SARDH: variants seen among roughly 807,000 people sequenced by gnomAD.
SARDH encodes sarcosine dehydrogenase.
A neutral mutation model predicts 109.1 loss-of-function variants in SARDH; 95 were observed. That is an observed-to-expected ratio of 0.87 (90% confidence interval 0.74 to 1.03). SARDH has a LOEUF of 1.03. Ranked by LOEUF, SARDH falls within the 50% of genes least tolerant of loss-of-function variation. The pLI is 0.00. For missense variants in SARDH, 1,267 were observed against 1,287.8 expected (o/e 0.98, Z 0.25); for synonymous variants, 572 against 534.8 (o/e 1.07, Z -0.96).
Position 133,729,792 on chromosome 9 carries a change from G to A in SARDH, c.888C>T (p.Val296=), listed in dbSNP as rs371310169. The change falls in exon 6 of 21, where the codon GTC becomes GTT. Residue 296 remains valine (V), a synonymous_variant. Coordinates refer to ENST00000439388, the MANE Select transcript of SARDH (RefSeq NM_001134707.2). ...VPLVAMHHAY[V]VTERIEGIQN... Reference sequence around the variant, plus strand: ...GAATCCCCTCGATGCGCTCGGTGACGACATAGGCATGGTGCATGGCCACCA... The same window carrying A: ...GAATCCCCTCGATGCGCTCGGTGACAACATAGGCATGGTGCATGGCCACCA... 75 of 1,612,896 alleles carry A rather than the reference G, an allele frequency of 4.7e-5. No individual in the cohort carries two copies. In the African/African-American group the frequency reaches 7.6e-4, roughly 16 times the overall value.
At chr9:133,701,284 A>T (rs1831475523) in intron 13 of SARDH, among the ~76,000 whole-genome samples, 1 of 152,230 alleles carries the variant, frequency 6.6e-6, no homozygotes, top group South Asian at 2.1e-4. Flanking sequence ...GCTGGTTGTT[A>T]AGCTGTTACC....
Position 133,666,660 on chromosome 9 carries a change from T to C in SARDH, c.2631+75A>G, listed in dbSNP as rs751137075. ...CTCCCTATGCCCGGCACACTCAGGG[T>C]GCAGTGCAGGGAGCTGGTTTGGAGC... On this transcript the variant is annotated intron_variant, in intron 20 of 20. Coordinates refer to ENST00000439388, the MANE Select transcript of SARDH (RefSeq NM_001134707.2). The surrounding 1 kb of genome is among the most constrained non-coding windows in gnomAD (Gnocchi z 5.2). 69 of 1,536,392 alleles carry C rather than the reference T, an allele frequency of 4.5e-5. No homozygotes were observed. The highest frequency in any genetic ancestry group is 2.4e-4 in the Admixed American group (12 of 50,798).
chr9:133,696,077 CGG>C (rs35905090), intron 14 of SARDH, 144 bp downstream of exon 14: 4 of 879,274 alleles, frequency 4.5e-6, no homozygotes, highest in African/African-American at 1.7e-5. Context: ...GGGGGCCGGA[CGG>C]GGGGGAGCTC....
intron 20 of SARDH, among the ~76,000 whole-genome samples, chr9:133,665,065 G>C (rs551240685): frequency 6.6e-6 from 1 of 152,200 alleles, no homozygotes; most frequent in East Asian, 1.9e-4. Context: ...CAGCTCTGGG[G>C]TGAGGTGGGT....
chr9:133,678,649 C>G (rs1185825474), intron 17 of SARDH, among the ~76,000 whole-genome samples: 1 of 152,164 alleles, frequency 6.6e-6, no homozygotes, highest in Admixed American at 6.5e-5. Context: ...CAAGGGGGAG[C>G]TGCACAGCTG....
intron 17 of SARDH, among the ~76,000 whole-genome samples, chr9:133,680,103 A>C (rs1038693232): frequency 6.6e-6 from 1 of 152,236 alleles, no homozygotes; most frequent in Admixed American, 6.5e-5. Context: ...ATTTAGGAGA[A>C]TATGAAATTC....
Position 133,708,355 on chromosome 9 carries a change from A to G in SARDH, c.1402T>C (p.Tyr468His). The change falls in exon 11 of 21, where the codon TAC (tyrosine) becomes CAC (histidine). Residue 468 changes from tyrosine (Y) to histidine (H), a missense_variant. Coordinates refer to ENST00000439388, the MANE Select transcript of SARDH (RefSeq NM_001134707.2). ...TCATCGTGGGGGAAGACGACGGAGT[A>G]GTTCTTGGCGTAGGACTCATGGCTT... ...ERSHESYAKN[Y>H]SVVFPHDEPL... 6.2e-7 allele frequency: 1 copy of G among 1,613,304 alleles called. No individual in the cohort carries two copies. Among genetic ancestry groups the G allele is most frequent in the Non-Finnish European group, 8.5e-7 (1 of 1,179,740 alleles).
At chr9:133,671,753 C>T in intron 17 of SARDH, 56 bp from the exon 18 acceptor site, 1 of 1,512,080 alleles carries the variant, frequency 6.6e-7, no homozygotes, top group Non-Finnish European at 8.9e-7. Context: ...GAGGTCCAGG[C>T]CCAGGCCACC....
Position 133,670,495 on chromosome 9 carries a change from G to A in SARDH, c.2495+89C>T, listed in dbSNP as rs1830303019. ...TGGCACATGGGAAGTGTTGGTACCA[G>A]GGGCTTTGAGTGGGGGACCAAGAAG... On this transcript the variant is annotated intron_variant, in intron 19 of 20. Transcript: ENST00000439388. The A allele has an allele frequency of 2.9e-6, 4 of 1,390,054 alleles. No homozygotes were observed. The Admixed American group carries it at 6.5e-5, about 23-fold the overall frequency. 86.1% of individuals were successfully genotyped at this position (1,390,054 alleles called of 1,614,324 possible). A position where few individuals can be genotyped will look rare whatever the true frequency, so the allele number is the denominator to read the frequency against.
Position 133,702,923 on chromosome 9 carries a change from T to A in SARDH, c.1661A>T (p.His554Leu). 6.2e-7 allele frequency: 1 copy of A among 1,611,828 alleles called. No individual in the cohort carries two copies. Among genetic ancestry groups the A allele is most frequent in the Non-Finnish European group, 8.5e-7 (1 of 1,179,824 alleles). ...DEYTFAFPPHHDTIKKECLAC... is the reference protein window; with the variant it reads ...DEYTFAFPPHLDTIKKECLAC... ...TGGACCCCAGCTACGCACCGTGTCG[T>A]GGTGGGGCGGGAAGGCGAAGGTGTA... The change falls in exon 13 of 21, where the codon CAC becomes CTC. Residue 554 changes from histidine (H) to leucine (L), a missense_variant. His to Leu is a moderately conservative substitution (Grantham distance 99). Coordinates refer to ENST00000439388, the MANE Select transcript of SARDH (RefSeq NM_001134707.2).
chr9:133,729,809 T>A lies in SARDH; in HGVS notation c.871A>T (p.Met291Leu). The A allele has an allele frequency of 6.2e-7, 1 of 1,612,808 alleles. No individual in the cohort carries two copies. The highest frequency in any genetic ancestry group is 8.5e-7 in the Non-Finnish European group (1 of 1,180,000). Residue 291 changes from methionine (M) to leucine (L), a missense_variant, in exon 6 of 21, where the codon ATG becomes TTG. Met to Leu is a conservative substitution (Grantham distance 15). Transcript: ENST00000439388. The part of the protein sequence containing the change: ...MAGVKVPLVA[M>L]HHAYVVTERI... ...TCGGTGACGACATAGGCATGGTGCATGGCCACCAGCGGGACCTTGACTCCA... is the reference window on the plus strand; with the variant it reads ...TCGGTGACGACATAGGCATGGTGCAAGGCCACCAGCGGGACCTTGACTCCA...
chr9:133,662,290 C>A (rs1829910959), downstream of SARDH, among the ~76,000 whole-genome samples: 1 of 152,144 alleles, frequency 6.6e-6, no homozygotes, highest in Non-Finnish European at 1.5e-5. This position sits in a 1 kb window ranked among gnomAD's most constrained non-coding sequence, Gnocchi z 5.1. Flanking sequence ...CTGACCTCCC[C>A]TCATCCTCAG....
chr9:133,730,579 A>G (rs1003032207), intron 4 of SARDH, among the ~76,000 whole-genome samples: 2 of 151,364 alleles, frequency 1.3e-5, no homozygotes, highest in Non-Finnish European at 2.9e-5. Context: ...TTTTGCATAC[A>G]TATATATTTT....
intron 19 of SARDH, among the ~76,000 whole-genome samples, chr9:133,670,328 CAAAAAAA>C (rs5901026): frequency 9.7e-6 from 1 of 103,274 alleles, no homozygotes; most frequent in Non-Finnish European, 2.0e-5. Context: ...GACTCCGTCT[CAAAAAAA>C]AAAAAAAAAA....
chr9:133,739,599 A>G (rs943157488), upstream of SARDH: 3 of 152,196 alleles, frequency 2.0e-5, no homozygotes, highest in African/African-American at 4.8e-5. Context: ...ACGTGCTGAC[A>G]CCATTCTCAG....
rs1423151398 is a variant in SARDH at position 133,717,370 on chromosome 9, G to A, written c.1106C>T (p.Pro369Leu). 6.2e-7 allele frequency: 1 copy of A among 1,614,004 alleles called. No homozygotes were observed. Among genetic ancestry groups the A allele is most frequent in the Non-Finnish European group, 8.5e-7 (1 of 1,180,004 alleles). ...CTTGATTCCTGTCTTCTCCAGCACG[G>A]GGACCCTGTTGATGGCGCCTTCAAT... is the stretch of plus-strand genomic sequence containing the variant. ...QHIEGAINRV[P>L]VLEKTGIKST... Residue 369 changes from proline to leucine, a missense_variant, in exon 8 of 21, where the codon CCC becomes CTC. Transcript: ENST00000439388.
intron 11 of SARDH, among the ~76,000 whole-genome samples, chr9:133,708,052 A>C (rs1831762557): frequency 6.6e-6 from 1 of 152,042 alleles, no homozygotes; most frequent in African/African-American, 2.4e-5. Context: ...CCTCCACTAC[A>C]ACAGAAGCCC....
intron 17 of SARDH, among the ~76,000 whole-genome samples, chr9:133,673,399 G>A (rs936549328): frequency 1.3e-5 from 2 of 152,352 alleles, no homozygotes; most frequent in East Asian, 3.9e-4. Flanking sequence ...CAGGATCCCA[G>A]ACAGCGGAGG....
rs925839522 is a variant in SARDH, at chr9:133,686,348, C to T, written c.2070-1062G>A. ...CAGGCCTAGCCCTCTTGTGCCCCTT[C>T]GCATTCTCACCCCTTCCCCTGTCAC... On this transcript the variant is annotated intron_variant, in intron 16 of 20. Coordinates refer to ENST00000439388, the MANE Select transcript of SARDH (RefSeq NM_001134707.2). This position sits in a 1 kb window ranked among gnomAD's most constrained non-coding sequence, Gnocchi z 4.0. Among the ~76,000 whole-genome samples, 36 of 152,200 alleles carry T rather than the reference C, an allele frequency of 2.4e-4. No individual in the cohort carries two copies. The highest frequency in any genetic ancestry group is 7.9e-4 in the African/African-American group (33 of 41,518).
Sources: allele counts gnomAD v4.1 joint callset (sites outside exome capture counted in the v4.1 genomes callset), GRCh38; gene constraint gnomAD v4.1.1; non-coding constraint Gnocchi (gnomAD v3.1); transcripts MANE v1.5; gene names NCBI Gene and HGNC (gene_info 2026-07-23, HGNC 2026-07-21).